The following NPAS3 variants were observed in gnomAD, a reference collection of about 807,000 sequenced individuals.
The protein encoded by NPAS3 is neuronal PAS domain protein 3.
Under a neutral mutation model 73.1 loss-of-function variants are expected in NPAS3, and 14 were observed. The observed-to-expected ratio is 0.19, with a 90% CI of 0.13 to 0.30. The LOEUF (loss-of-function observed/expected upper bound fraction) is 0.30. NPAS3 is among the 10% of genes least tolerant of loss of function. NPAS3 has a pLI of 1.00. For synonymous variants in NPAS3, 620 were observed against 541.5 expected (o/e 1.14, Z -2.01); for missense variants, 1,096 against 1,250.0 (o/e 0.88, Z 1.86).
intron 9 of NPAS3, among the ~76,000 whole-genome samples, chr14:33,791,755 A>T (rs1052699113): frequency 3.3e-5 from 5 of 152,196 alleles, no homozygotes; most frequent in African/African-American, 1.2e-4. Flanking sequence ...AATTCTTTTT[A>T]AAATTTTGCC....
chr14:33,608,721 G>A (rs1277180640), intron 5 of NPAS3: 1 of 152,094 alleles, frequency 6.6e-6, no homozygotes, highest in Admixed American at 6.6e-5. Flanking sequence ...GGGTTTGTTG[G>A]ACAGATTATT....
At chr14:33,666,276 G>A (rs2140296167) in intron 5 of NPAS3, among the ~76,000 whole-genome samples, 1 of 152,256 alleles carries the variant, frequency 6.6e-6, no homozygotes, top group South Asian at 2.1e-4. Flanking sequence ...CTCCAGTGCA[G>A]TTAAAACCCT....
At chr14:33,726,059 G>T (rs926794983) in intron 6 of NPAS3, among the ~76,000 whole-genome samples, 1 of 151,916 alleles carries the variant, frequency 6.6e-6, no homozygotes, top group East Asian at 1.9e-4. Flanking sequence ...ATCCATTAGG[G>T]TTTAAATTCT....
intron 5 of NPAS3, among the ~76,000 whole-genome samples, chr14:33,654,742 T>C (rs537023683): frequency 3.9e-5 from 6 of 152,308 alleles, no homozygotes; most frequent in Admixed American, 6.5e-5. Flanking sequence ...ATGGGGCTTC[T>C]TTCAACACTG....
At chr14:33,315,997 TG>T (rs1328631767) in intron 3 of NPAS3, among the ~76,000 whole-genome samples, 1 of 152,072 alleles carries the variant, frequency 6.6e-6, no homozygotes, top group African/African-American at 2.4e-5. Flanking sequence ...GGAGCAACAG[TG>T]TCTCAAAAAA....
intron 3 of NPAS3, among the ~76,000 whole-genome samples, chr14:33,362,184 C>T (rs2045635200): frequency 6.6e-6 from 1 of 152,122 alleles, no homozygotes; most frequent in Non-Finnish European, 1.5e-5. Context: ...TTCTCCAAAC[C>T]TGAAAATCTC....
At chr14:33,727,248 A>G (rs2061293392) in intron 6 of NPAS3, among the ~76,000 whole-genome samples, 1 of 152,220 alleles carries the variant, frequency 6.6e-6, no homozygotes, top group Admixed American at 6.5e-5. Flanking sequence ...AAAATAGTAT[A>G]TTAAAGTAAA....
intron 2 of NPAS3, among the ~76,000 whole-genome samples, chr14:33,187,095 A>G (rs757531894): frequency 1.9e-4 from 29 of 152,292 alleles, no homozygotes; most frequent in Non-Finnish European, 3.7e-4. Context: ...TCCTCCACCT[A>G]GTACTTAAAC....
At chr14:33,413,834 G>A (rs969718327) in intron 4 of NPAS3, among the ~76,000 whole-genome samples, 2 of 152,196 alleles carry the variant, frequency 1.3e-5, no homozygotes, top group Admixed American at 1.3e-4. Flanking sequence ...AATCAAATCT[G>A]GGATCTTTAG....
At chr14:33,056,094 T>A in intron 2 of NPAS3, 100 bp downstream of exon 2, 1 of 512,970 alleles carries the variant, frequency 1.9e-6, no homozygotes, top group Non-Finnish European at 3.4e-6. Flanking sequence ...CTTCTTTTTA[T>A]CTAATTTAGT....
intron 3 of NPAS3, among the ~76,000 whole-genome samples, chr14:33,315,693 G>A (rs2140214893): frequency 6.6e-6 from 1 of 152,136 alleles, no homozygotes; most frequent in Middle Eastern, 3.4e-3. Context: ...TGAGGATGGA[G>A]AGAGTTCATC....
At chr14:32,955,297 A>T (rs2036630613) in intron 1 of NPAS3, among the ~76,000 whole-genome samples, 1 of 152,148 alleles carries the variant, frequency 6.6e-6, no homozygotes, top group African/African-American at 2.4e-5. Flanking sequence ...GTACTCTAGT[A>T]AGTAGTGAGA....
intron 6 of NPAS3, among the ~76,000 whole-genome samples, chr14:33,712,695 T>G (rs1279218592): frequency 6.6e-6 from 1 of 152,084 alleles, no homozygotes; most frequent in Non-Finnish European, 1.5e-5. Context: ...GAAAGTGAAG[T>G]CTCTGACTTG....
intron 4 of NPAS3, among the ~76,000 whole-genome samples, chr14:33,511,256 T>C (rs10483449): frequency 0.21 from 32,336 of 151,980 alleles, 3,663 homozygotes; most frequent in South Asian, 0.28. Context: ...GCATTATCTT[T>C]CCATGTAATT....
chr14:33,530,405 A>C (rs1479637393), intron 4 of NPAS3, among the ~76,000 whole-genome samples: 1 of 152,210 alleles, frequency 6.6e-6, no homozygotes, highest in Non-Finnish European at 1.5e-5. Context: ...TGAAGCAATT[A>C]GCATAATTAG....
At chr14:33,531,310 A>C (rs543902758) in intron 4 of NPAS3, among the ~76,000 whole-genome samples, 1 of 152,286 alleles carries the variant, frequency 6.6e-6, no homozygotes, top group East Asian at 1.9e-4. Context: ...ATCTACATAC[A>C]GAAAAGTGCC....
intron 4 of NPAS3, among the ~76,000 whole-genome samples, chr14:33,503,980 C>T (rs772934053): frequency 6.6e-5 from 10 of 151,918 alleles, no homozygotes; most frequent in Admixed American, 3.3e-4. Context: ...CTTATCTAGA[C>T]GTTATGTTAT....
intron 4 of NPAS3, among the ~76,000 whole-genome samples, chr14:33,425,527 G>C (rs2048519439): frequency 7.1e-6 from 1 of 141,752 alleles, no homozygotes; most frequent in African/African-American, 2.7e-5. Context: ...GATTCTCCCT[G>C]TTTCCACTCC....
chr14:33,122,341 CT>C, intron 2 of NPAS3, among the ~76,000 whole-genome samples: 1 of 152,256 alleles, frequency 6.6e-6, no homozygotes, highest in Non-Finnish European at 1.5e-5. Flanking sequence ...TAACCATCAC[CT>C]TTCTCCAGAA....
Sources: allele counts gnomAD v4.1 joint callset (sites outside exome capture counted in the v4.1 genomes callset), GRCh38; gene constraint gnomAD v4.1.1; transcripts MANE v1.5; gene names NCBI Gene and HGNC (gene_info 2026-07-23, HGNC 2026-07-21).